FHIT: variants seen among roughly 807,000 people sequenced by gnomAD.
FHIT encodes the protein bis(5'-adenosyl)-triphosphatase.
In FHIT, 19 loss-of-function variants were observed where a neutral mutation model predicts 17.9. The ratio of observed to expected loss-of-function variants is 1.06; its 90% confidence interval spans 0.74 to 1.56. The LOEUF is 1.56. Ranked by LOEUF, FHIT falls within the 40% of genes most tolerant of loss-of-function variation. FHIT has a pLI of 0.00. For missense variants in FHIT, 248 were observed against 189.2 expected (o/e 1.31, Z -1.82); for synonymous variants, 81 against 69.7 (o/e 1.16, Z -0.81).
At chr3:60,638,112 A>C (rs572560427) in intron 4 of FHIT, among the ~76,000 whole-genome samples, 1 of 152,326 alleles carries the variant, frequency 6.6e-6, no homozygotes, top group South Asian at 2.1e-4. Context: ...TCACCCTTAG[A>C]AGTTGCCAGG....
chr3:59,948,246 T>C lies in FHIT; in HGVS notation c.280-25832A>G, dbSNP rs541402260. 2.3e-4 allele frequency among the ~76,000 whole-genome samples: 35 copies of C among 151,486 alleles called. 1 individual carries two copies. Among genetic ancestry groups the C allele is most frequent in the Admixed American group, 2.3e-3 (35 of 15,176 alleles). ...TCGGCCAGGCGCAGTAGATCACACATGTAATCCCAGCACTTTGGGAGGCCA... is the reference window on the plus strand; with the variant it reads ...TCGGCCAGGCGCAGTAGATCACACACGTAATCCCAGCACTTTGGGAGGCCA... On this transcript the variant is annotated intron_variant, in intron 7 of 9. Transcript: ENST00000492590.
chr3:60,204,444 GT>G (rs56126245), intron 5 of FHIT, among the ~76,000 whole-genome samples: 14 of 114,972 alleles, frequency 1.2e-4, no homozygotes, highest in African/African-American at 3.8e-4. Context: ...TAATATTCTG[GT>G]TTTTTTTTTT....
At chr3:60,187,797 T>C (rs954706360) in intron 5 of FHIT, among the ~76,000 whole-genome samples, 1 of 152,192 alleles carries the variant, frequency 6.6e-6, no homozygotes, top group African/African-American at 2.4e-5. Flanking sequence ...ATTCATTCAT[T>C]TGCATCTCTC....
intron 5 of FHIT, among the ~76,000 whole-genome samples, chr3:60,533,889 G>A (rs891293265): frequency 1.6e-4 from 24 of 152,156 alleles, no homozygotes; most frequent in African/African-American, 5.6e-4. Flanking sequence ...CTGTGGTTCA[G>A]ATAAAGTTAT....
At chr3:61,221,521 C>T (rs1014728599) in intron 1 of FHIT, among the ~76,000 whole-genome samples, 1 of 152,108 alleles carries the variant, frequency 6.6e-6, no homozygotes, top group Non-Finnish European at 1.5e-5. Context: ...AAGTCATTCA[C>T]ATTTAAGCAA....
intron 4 of FHIT, among the ~76,000 whole-genome samples, chr3:60,571,335 CAAA>C (rs56094072): frequency 3.7e-5 from 2 of 54,676 alleles, no homozygotes; most frequent in Non-Finnish European, 6.4e-5. Flanking sequence ...GACTCCATCG[CAAA>C]AAAAAAAAAA....
chr3:59,801,979 C>T (rs1250867012), intron 8 of FHIT, among the ~76,000 whole-genome samples: 1 of 152,226 alleles, frequency 6.6e-6, no homozygotes, highest in Non-Finnish European at 1.5e-5. Flanking sequence ...AGACTACACC[C>T]ATTCTTCCAA....
At chr3:60,926,522 CA>C (rs1239048627) in intron 3 of FHIT, among the ~76,000 whole-genome samples, 1 of 152,122 alleles carries the variant, frequency 6.6e-6, no homozygotes, top group Admixed American at 6.5e-5. Context: ...AACAAAGACA[CA>C]ACATACCAGA....
intron 8 of FHIT, among the ~76,000 whole-genome samples, chr3:59,863,346 T>C (rs889596336): frequency 6.6e-6 from 1 of 152,216 alleles, no homozygotes; most frequent in Non-Finnish European, 1.5e-5. Context: ...TTTGGTCTAA[T>C]TATCTGCTGA....
rs531249982 is a variant in FHIT, at chr3:60,562,081, T to A, written c.-17-25102A>T. Among the ~76,000 whole-genome samples the A allele has an allele frequency of 6.6e-5, 10 of 152,262 alleles. No homozygotes were observed. The South Asian group carries it at 2.1e-3, about 32-fold the overall frequency. ...TGAGTTCTCATTCATTTATTCAACA[T>A]CTACTATGTGCCAGACCCTGTGTTA... On this transcript the variant is annotated intron_variant, in intron 4 of 9. Coordinates refer to ENST00000492590, the MANE Select transcript of FHIT (RefSeq NM_002012.4).
chr3:60,889,821 C>T (rs1364459778), intron 3 of FHIT, among the ~76,000 whole-genome samples: 3 of 152,124 alleles, frequency 2.0e-5, no homozygotes, highest in African/African-American at 7.2e-5. Context: ...ATTCAATTTA[C>T]GTCTGGGCTT....
At chr3:60,081,881 G>T (rs889816778) in intron 5 of FHIT, among the ~76,000 whole-genome samples, 3 of 150,752 alleles carry the variant, frequency 2.0e-5, no homozygotes. Context: ...AAAAGAAAGA[G>T]GAAGTACAAT....
intron 3 of FHIT, among the ~76,000 whole-genome samples, chr3:60,963,005 T>C (rs1365719463): frequency 6.6e-5 from 10 of 152,336 alleles, no homozygotes; most frequent in African/African-American, 2.4e-4. Context: ...GAAGGAATGG[T>C]ACCCGCTCCT....
chr3:60,803,407 G>T (rs996618103), intron 4 of FHIT, among the ~76,000 whole-genome samples: 30 of 152,296 alleles, frequency 2.0e-4, no homozygotes, highest in African/African-American at 6.3e-4. Flanking sequence ...AGCATTTTGG[G>T]ATGGGGGACA....
At chr3:60,459,470 T>C (rs952831993) in intron 5 of FHIT, among the ~76,000 whole-genome samples, 10 of 152,156 alleles carry the variant, frequency 6.6e-5, no homozygotes, top group African/African-American at 2.4e-4. Flanking sequence ...CAGCACCTCT[T>C]TGAGTTTCAA....
intron 5 of FHIT, among the ~76,000 whole-genome samples, chr3:60,121,759 CTAA>C (rs1705268718): frequency 1.3e-5 from 2 of 151,190 alleles, no homozygotes; most frequent in Admixed American, 1.3e-4. Context: ...AGCCCTGTGC[CTAA>C]TGTCACAGTG....
At chr3:59,919,099 CA>C (rs560854582) in intron 8 of FHIT, among the ~76,000 whole-genome samples, 267 of 152,298 alleles carry the variant, frequency 1.8e-3, no homozygotes, top group African/African-American at 6.2e-3. Flanking sequence ...AAAAACCCCC[CA>C]CTATTTGTTA....
intron 4 of FHIT, among the ~76,000 whole-genome samples, chr3:60,663,672 G>C (rs1221928698): frequency 1.3e-5 from 2 of 152,012 alleles, no homozygotes; most frequent in African/African-American, 2.4e-5. Flanking sequence ...CTTGACCTCA[G>C]CCTCTCAAAG....
intron 5 of FHIT, among the ~76,000 whole-genome samples, chr3:60,384,100 G>A (rs1211116290): frequency 2.0e-5 from 3 of 151,586 alleles, no homozygotes; most frequent in Admixed American, 1.3e-4. Flanking sequence ...AAACCCCGTC[G>A]CTACTAAAAT....
Sources: gnomAD v4.1 joint callset for allele counts (sites outside exome capture counted in the v4.1 genomes callset) on GRCh38, gnomAD v4.1.1 for gene constraint, MANE v1.5 for transcripts, NCBI Gene and HGNC (gene_info 2026-07-23, HGNC 2026-07-21) for gene names.